Variants in OPRK1 observed in about 807,000 individuals in gnomAD.
The protein encoded by OPRK1 is opioid receptor kappa 1.
OPRK1 carries 15 observed loss-of-function variants against 24.5 expected under a neutral mutation model. That is an observed-to-expected ratio of 0.61 (90% CI 0.41 to 0.94). OPRK1 has a LOEUF of 0.94. OPRK1 is among the 40% of genes least tolerant of loss of function. The pLI is 0.00. For missense variants in OPRK1, 479 were observed against 507.3 expected (o/e 0.94, Z 0.54); for synonymous variants, 205 against 198.0 (o/e 1.04, Z -0.30).
rs201711628 is a variant in OPRK1 at position 53,237,697 on chromosome 8, G to A, written c.258-2586C>T. Among the ~76,000 whole-genome samples, 15 of 152,262 alleles carry A rather than the reference G, an allele frequency of 9.9e-5. No homozygotes were observed. The East Asian group carries it at 1.5e-3, about 16-fold the overall frequency. ...AAACCCAGGGGTTTGATCCCAATTCGTCCATTCTTACATCTCCCCAGCACT... is the reference window on the plus strand; with the variant it reads ...AAACCCAGGGGTTTGATCCCAATTCATCCATTCTTACATCTCCCCAGCACT... On this transcript the variant is annotated intron_variant, in intron 2 of 3. Coordinates refer to ENST00000265572, the MANE Select transcript of OPRK1 (RefSeq NM_000912.5).
rs191507215 is a variant in OPRK1, at chr8:53,225,771, G to C, written c.*3526C>G. 1 of 152,564 alleles carries C rather than the reference G, an allele frequency of 6.6e-6. No individual in the cohort carries two copies. The highest frequency in any genetic ancestry group is 1.5e-5 in the Non-Finnish European group (1 of 68,020). 9.5% of individuals were successfully genotyped at this position (152,564 alleles called of 1,614,324 possible). ...TGATTTTATTGCAAGGCACACAATC[G>C]TATATACAATGCATAATTATCATCT... On this transcript the variant is annotated 3_prime_UTR_variant, in exon 4 of 4. Transcript: ENST00000265572.
chr8:53,228,438 G>A lies in OPRK1; in HGVS notation c.*859C>T, dbSNP rs1409258492. 6.6e-6 allele frequency: 1 copy of A among 152,148 alleles called. No individual in the cohort carries two copies. Among genetic ancestry groups the A allele is most frequent in the Non-Finnish European group, 1.5e-5 (1 of 68,042 alleles). 9.4% of individuals were successfully genotyped at this position (152,148 alleles called of 1,614,324 possible). ...CTCAGCATCAACTTAGCAACTCAGG[G>A]GATATCATTAGTGTGCCCTCAGGAA... On this transcript the variant is annotated 3_prime_UTR_variant, in exon 4 of 4. Coordinates refer to ENST00000265572, the MANE Select transcript of OPRK1 (RefSeq NM_000912.5).
chr8:53,238,893 G>A (rs1447891927), intron 2 of OPRK1, among the ~76,000 whole-genome samples: 1 of 152,214 alleles, frequency 6.6e-6, no homozygotes, highest in African/African-American at 2.4e-5. Context: ...GCAGGAGGTA[G>A]AGGAGGTAAT....
rs1563325976 is a variant in OPRK1, at chr8:53,229,598, G to GCCA, written c.839_841dup (p.Val280dup). On this transcript the variant is annotated inframe_insertion, in exon 4 of 4. Transcript: ENST00000265572. Reference sequence around the variant, plus strand: ...GGGAGTCCAGCAGACGACGAAGACTGCCACCACCACCAGGACCAGTCTGGT... The same window carrying GCCA: ...GGGAGTCCAGCAGACGACGAAGACTGCCACCACCACCACCAGGACCAGTCTGGT... 6.2e-7 allele frequency: 1 copy of GCCA among 1,613,616 alleles called. No individual in the cohort carries two copies. The highest frequency in any genetic ancestry group is 1.3e-5 in the African/African-American group (1 of 74,994).
rs544228264 is a variant in OPRK1, at chr8:53,247,350, C to A, written c.257+3431G>T. Among the ~76,000 whole-genome samples the A allele has an allele frequency of 4.6e-5, 7 of 152,240 alleles. No homozygotes were observed. In the South Asian group the frequency reaches 1.0e-3, roughly 23 times the overall value. On this transcript the variant is annotated intron_variant, in intron 2 of 3. Transcript: ENST00000265572. ...GCCCCGTGAGTTACCCAGGTGTAAC[C>A]TTAGTTTATTTCATCTTTCTGCGCT...
chr8:53,248,879 A>T (rs1807300926), intron 2 of OPRK1, among the ~76,000 whole-genome samples: 1 of 152,216 alleles, frequency 6.6e-6, no homozygotes, highest in Non-Finnish European at 1.5e-5. Flanking sequence ...GGGAGAATGG[A>T]GAATGATGTA....
At chr8:53,234,140 C>G in intron 3 of OPRK1, among the ~76,000 whole-genome samples, 1 of 140,544 alleles carries the variant, frequency 7.1e-6, no homozygotes, top group South Asian at 2.3e-4. Flanking sequence ...GCCGATATCG[C>G]GCCACTGCAC....
At chr8:53,251,194 C>A in intron 1 of OPRK1, 109 bp from the exon 2 acceptor site, 1 of 1,236,528 alleles carries the variant, frequency 8.1e-7, no homozygotes, top group Non-Finnish European at 1.1e-6. Flanking sequence ...GGCCGCAAGT[C>A]GCCGGGGGCA....
intron 2 of OPRK1, chr8:53,243,002 A>G: frequency 8.1e-7 from 1 of 1,228,242 alleles, no homozygotes; most frequent in African/African-American, 1.6e-5. Flanking sequence ...AGCCTTCCTT[A>G]TCCAAGACAT....
intron 2 of OPRK1, among the ~76,000 whole-genome samples, chr8:53,241,134 G>A (rs868420996): frequency 3.9e-5 from 6 of 152,102 alleles, no homozygotes; most frequent in African/African-American, 1.4e-4. Flanking sequence ...GGGGCATGGG[G>A]TATATGGGAA....
At chr8:53,235,691 T>C (rs1244401894) in intron 2 of OPRK1, among the ~76,000 whole-genome samples, 1 of 152,320 alleles carries the variant, frequency 6.6e-6, no homozygotes, top group South Asian at 2.1e-4. Context: ...ATTATATAAA[T>C]AAAGCAGATT....
intron 2 of OPRK1, 104 bp from the exon 3 acceptor site, chr8:53,235,215 CAATTA>C: frequency 1.1e-6 from 1 of 898,376 alleles, no homozygotes; most frequent in African/African-American, 1.7e-5. Context: ...CTTCTTCATT[CAATTA>C]TTCTTATATT....
At chr8:53,243,410 C>T (rs1013854041) in intron 2 of OPRK1, among the ~76,000 whole-genome samples, 2 of 152,182 alleles carry the variant, frequency 1.3e-5, no homozygotes, top group Non-Finnish European at 2.9e-5. Context: ...TCAGAAAACA[C>T]GTAAAGTCAA....
intron 2 of OPRK1, chr8:53,238,681 G>A: frequency 2.0e-6 from 2 of 985,500 alleles, no homozygotes; most frequent in Non-Finnish European, 2.4e-6. Flanking sequence ...AAAATTGGCA[G>A]ACACTGGTGC....
Position 53,251,011 on chromosome 8 carries a change from G to A in OPRK1, c.27C>T (p.Arg9=), listed in dbSNP as rs777175554. MDSPIQIF[R]GEPGPTCAPS... ...GGGCGCAGGTAGGGCCCGGCTCCCC[G>A]CGGAAGATCTGGATCGGGGAGTCCA... is the stretch of plus-strand genomic sequence containing the variant. Residue 9 remains arginine, a synonymous_variant, in exon 2 of 4, where the codon CGC becomes CGT. Coordinates refer to ENST00000265572, the MANE Select transcript of OPRK1 (RefSeq NM_000912.5). 7.3e-5 allele frequency: 115 copies of A among 1,570,592 alleles called. No individual in the cohort carries two copies. Among genetic ancestry groups the A allele is most frequent in the Non-Finnish European group, 9.3e-5 (108 of 1,161,618 alleles).
Position 53,239,393 on chromosome 8 carries a change from T to C in OPRK1, c.258-4282A>G, listed in dbSNP as rs115306360. On this transcript the variant is annotated intron_variant, in intron 2 of 3. Transcript: ENST00000265572. ...ATTCTGAAGAGAAAATTTAGCAGGATCTTGAGATTTGAGAAAGATCTGGAC... is the reference window on the plus strand; with the variant it reads ...ATTCTGAAGAGAAAATTTAGCAGGACCTTGAGATTTGAGAAAGATCTGGAC... Among the ~76,000 whole-genome samples the C allele has an allele frequency of 8.1e-3, 1,231 of 152,314 alleles. 18 individuals carry two copies. The highest frequency in any genetic ancestry group is 0.028 in the African/African-American group (1,172 of 41,560).
intron 3 of OPRK1, 137 bp downstream of exon 3, chr8:53,234,622 C>A (rs570716877): frequency 5.0e-5 from 35 of 699,648 alleles, no homozygotes; most frequent in South Asian, 4.8e-4. Flanking sequence ...TCTCATCTTC[C>A]ATGGATTTAG....
At position 53,242,786 on chromosome 8, in the gene OPRK1, C is replaced by G. The variant is rs901803504; in HGVS notation, c.258-7675G>C. The stretch of plus-strand genomic sequence containing the variant: ...CTCCCAAAGTGCTGGGATTACGGGC[C>G]TGAGCCACCGCGCCCGGCCACTCCA... On this transcript the variant is annotated intron_variant, in intron 2 of 3. Coordinates refer to ENST00000265572, the MANE Select transcript of OPRK1 (RefSeq NM_000912.5). 1.9e-5 allele frequency: 23 copies of G among 1,208,084 alleles called. No homozygotes were observed. The East Asian group carries it at 1.4e-3, about 75-fold the overall frequency. The allele number at this position is 1,208,084 out of a possible 1,614,324, so 74.8% of individuals were successfully genotyped here. A position where few individuals can be genotyped will look rare whatever the true frequency, so the allele number is the denominator to read the frequency against.
At chr8:53,241,232 A>G (rs570993670) in intron 2 of OPRK1, among the ~76,000 whole-genome samples, 2 of 152,308 alleles carry the variant, frequency 1.3e-5, no homozygotes, top group South Asian at 4.1e-4. Context: ...AAGAATGATG[A>G]CCGTGCTGAC....
Sources: gnomAD v4.1 joint callset for allele counts (sites outside exome capture counted in the v4.1 genomes callset) on GRCh38, gnomAD v4.1.1 for gene constraint, MANE v1.5 for transcripts, NCBI Gene and HGNC (gene_info 2026-07-23, HGNC 2026-07-21) for gene names.